Variants in SNRPD1 observed in about 807,000 individuals in gnomAD.
The protein encoded by SNRPD1 is small nuclear ribonucleoprotein D1 polypeptide, also known as small nuclear ribonucleoprotein Sm D1.
Under a neutral mutation model 14.4 loss-of-function variants are expected in SNRPD1, and 1 was observed. The ratio of observed to expected loss-of-function variants is 0.07; its 90% CI spans 0.02 to 0.33. The LOEUF is 0.33. Ranked by LOEUF, SNRPD1 falls within the 10% of genes least tolerant of loss-of-function variation. The probability of loss-of-function intolerance (pLI) is 1.00; values close to 1 mark genes in which losing one functional copy is unlikely to be tolerated. For missense variants in SNRPD1, 52 were observed against 146.4 expected, an observed-to-expected ratio of 0.36 and a Z score of 3.33; for synonymous variants, 42 against 50.3, an observed-to-expected ratio of 0.83 and a Z score of 0.70.
intron 1 of SNRPD1, 59 bp downstream of exon 1, chr18:21,612,502 G>C: frequency 7.6e-7 from 1 of 1,319,356 alleles, no homozygotes; most frequent in Non-Finnish European, 1.0e-6. Context: ...CCCGGAGTCC[G>C]GAAGGCTGGG....
At chr18:21,626,343 G>A (rs1371562305) in intron 3 of SNRPD1, among the ~76,000 whole-genome samples, 1 of 138,642 alleles carries the variant, frequency 7.2e-6, no homozygotes, top group African/African-American at 2.7e-5. Context: ...CCGGTGAGCC[G>A]AGATTACGCC....
rs1236803165 is a variant in SNRPD1 at position 21,629,125 on chromosome 18, G to A, written c.347G>A (p.Gly116Asp). ...CGTGGCCGTGGCAGAGGAAGAGGGG[G>A]TCCTAGGCGATAATGTCTCTCAAGA... is the stretch of plus-strand genomic sequence containing the variant. Reference protein sequence around the residue: ...RGRGRGRGRGGPRR With the variant: ...RGRGRGRGRGDPRR The change falls in exon 4 of 4, where the codon GGT (glycine) becomes GAT (aspartate). Residue 116 changes from glycine (G) to aspartate (D), a missense_variant. Physicochemically the swap from Gly to Asp is moderately conservative, Grantham distance 94 (BLOSUM62 -1). Transcript: ENST00000300413. 1 of 1,611,344 alleles carries A rather than the reference G, an allele frequency of 6.2e-7. No individual in the cohort carries two copies. The highest frequency in any genetic ancestry group is 1.7e-5 in the Admixed American group (1 of 59,970).
intron 1 of SNRPD1, among the ~76,000 whole-genome samples, chr18:21,622,171 G>A (rs189196679): frequency 2.0e-5 from 3 of 149,944 alleles, no homozygotes; most frequent in East Asian, 3.9e-4. Context: ...ACGGAGTCTC[G>A]CTCTGTTGCC....
chr18:21,616,186 C>T (rs976700900), intron 1 of SNRPD1, among the ~76,000 whole-genome samples: 4 of 151,676 alleles, frequency 2.6e-5, no homozygotes, highest in Non-Finnish European at 5.9e-5. Context: ...GGGATTTCAC[C>T]GTGTTAGCCA....
intron 2 of SNRPD1, 28 bp downstream of exon 2, chr18:21,622,829 AT>A (rs59505994): frequency 1.1e-4 from 132 of 1,190,532 alleles, no homozygotes; most frequent in Non-Finnish European, 1.5e-4. Flanking sequence ...CTTTTATAAC[AT>A]TTTTTTTCTT....
intron 3 of SNRPD1, among the ~76,000 whole-genome samples, chr18:21,626,950 T>G (rs1395869772): frequency 6.6e-6 from 1 of 151,386 alleles, no homozygotes; most frequent in Non-Finnish European, 1.5e-5. Context: ...TTTGGATTTT[T>G]TTTTTTTTTG....
chr18:21,626,945 A>AT (rs759988726), intron 3 of SNRPD1, among the ~76,000 whole-genome samples: 1,610 of 135,600 alleles, frequency 0.012, 22 homozygotes, highest in African/African-American at 0.035. Flanking sequence ...AAATGTTTGG[A>AT]TTTTTTTTTT....
chr18:21,623,742 CT>C lies in SNRPD1; in HGVS notation c.92-3del. 6.3e-7 allele frequency: 1 copy of C among 1,599,804 alleles called. No homozygotes were observed. The highest frequency in any genetic ancestry group is 8.5e-7 in the Non-Finnish European group (1 of 1,173,226). On this transcript the variant is annotated splice_polypyrimidine_tract_variant and splice_region_variant and intron_variant, in intron 2 of 3. Transcript: ENST00000300413. Reference sequence around the variant, plus strand: ...CTAATAACTGCACAATTATTTTCCTCTTTAGGTGTGGATGTCAGCATGAATA... The same window carrying C: ...CTAATAACTGCACAATTATTTTCCTCTTAGGTGTGGATGTCAGCATGAATA...
Position 21,631,846 on chromosome 18 carries a change from A to G in SNRPD1, c.*2708A>G, listed in dbSNP as rs1464388089. ...TGTATCCAAGTAGAAGGCAAAAGGCAAGAGACCCCTGTAATGCAGCAAGTG... is the reference window on the plus strand; with the variant it reads ...TGTATCCAAGTAGAAGGCAAAAGGCGAGAGACCCCTGTAATGCAGCAAGTG... On this transcript the variant is annotated 3_prime_UTR_variant, in exon 4 of 4. Coordinates refer to ENST00000300413, the MANE Select transcript of SNRPD1 (RefSeq NM_006938.4). 6.6e-6 allele frequency: 1 copy of G among 152,084 alleles called. No individual in the cohort carries two copies. The highest frequency in any genetic ancestry group is 6.6e-5 in the Admixed American group (1 of 15,242). 9.4% of individuals were successfully genotyped at this position (152,084 alleles called of 1,614,324 possible).
intron 1 of SNRPD1, among the ~76,000 whole-genome samples, chr18:21,617,859 G>T (rs867224719): frequency 4.6e-5 from 7 of 152,010 alleles, no homozygotes; most frequent in Non-Finnish European, 7.4e-5. Flanking sequence ...TGCGCCTGTA[G>T]TCTCAGCTAC....
At position 21,630,325 on chromosome 18, in the gene SNRPD1, C is replaced by A. The variant is rs1175560218; in HGVS notation, c.*1187C>A. 10 of 151,910 alleles carry A rather than the reference C, an allele frequency of 6.6e-5. No homozygotes were observed. The allele number at this position is 151,910 out of a possible 1,614,324, so 9.4% of individuals were successfully genotyped here. A position where few individuals can be genotyped will look rare whatever the true frequency, so the allele number is the denominator to read the frequency against. ...TCAGAAAAAATGTCTCTCAGTGCAT[C>A]AGTTCTTTGTAAAGCTTACTACGAA... On this transcript the variant is annotated 3_prime_UTR_variant, in exon 4 of 4. Transcript: ENST00000300413.
rs1376319622 is a variant in SNRPD1, at chr18:21,629,068, G to C, written c.290G>C (p.Gly97Ala). 1 of 1,613,728 alleles carries C rather than the reference G, an allele frequency of 6.2e-7. No individual in the cohort carries two copies. Among genetic ancestry groups the C allele is most frequent in the Admixed American group, 1.7e-5 (1 of 59,982 alleles). The change falls in exon 4 of 4, where the codon GGA becomes GCA. Residue 97 changes from glycine (G) to alanine (A), a missense_variant. Transcript: ENST00000300413. The part of the protein sequence containing the change: ...VKSKKREAVA[G>A]RGRGRGRGRG... ...TGTTTTTCTTTTCCTTCAGTTGCAG[G>C]AAGAGGCAGAGGAAGAGGAAGAGGA...
intron 3 of SNRPD1, among the ~76,000 whole-genome samples, chr18:21,625,316 A>AATTTTTTTTTTT (rs771340999): frequency 1.5e-4 from 16 of 109,104 alleles, no homozygotes; most frequent in East Asian, 5.5e-4. Flanking sequence ...GTTGAAAAAA[A>AATTTTTTTTTTT]TTTTTTTTTT....
intron 1 of SNRPD1, among the ~76,000 whole-genome samples, chr18:21,614,949 A>G (rs1568122722): frequency 6.6e-6 from 1 of 152,168 alleles, no homozygotes; most frequent in Non-Finnish European, 1.5e-5. Context: ...TATCCCACTC[A>G]TGGATTTTTG....
intron 1 of SNRPD1, among the ~76,000 whole-genome samples, chr18:21,620,021 C>T (rs549530707): frequency 6.4e-4 from 97 of 152,062 alleles, no homozygotes; most frequent in Admixed American, 1.3e-3. Flanking sequence ...ATGGCATGAT[C>T]TTGGCTCACT....
chr18:21,615,246 T>C (rs577051379), intron 1 of SNRPD1, among the ~76,000 whole-genome samples: 4 of 152,338 alleles, frequency 2.6e-5, no homozygotes, highest in African/African-American at 9.6e-5. Flanking sequence ...GTTTTTGAGA[T>C]TCATCCACAT....
chr18:21,626,758 CCTGG>C, intron 3 of SNRPD1, among the ~76,000 whole-genome samples: 1 of 151,322 alleles, frequency 6.6e-6, no homozygotes, highest in Non-Finnish European at 1.5e-5. Flanking sequence ...TGCACTCCAG[CCTGG>C]ACAACAGAGA....
intron 3 of SNRPD1, 57 bp downstream of exon 3, chr18:21,623,996 C>A: frequency 2.1e-6 from 2 of 966,498 alleles, no homozygotes; most frequent in South Asian, 1.5e-5. Flanking sequence ...CCACACTATT[C>A]ATAATATAGA....
intron 3 of SNRPD1, among the ~76,000 whole-genome samples, chr18:21,624,647 C>T (rs1397809706): frequency 2.6e-5 from 4 of 151,124 alleles, no homozygotes; most frequent in African/African-American, 4.9e-5. Context: ...GCCAAGATCA[C>T]GCCACTGCAC....
Sources: allele counts gnomAD v4.1 joint callset (sites outside exome capture counted in the v4.1 genomes callset), GRCh38; gene constraint gnomAD v4.1.1; transcripts MANE v1.5; gene names NCBI Gene and HGNC (gene_info 2026-07-23, HGNC 2026-07-21).